The following ADCY5 variants were observed in gnomAD, a reference collection of about 807,000 sequenced individuals.
The protein encoded by ADCY5 is adenylate cyclase type 5.
A neutral mutation model predicts 119.7 loss-of-function variants in ADCY5; 30 were observed. The ratio of observed to expected loss-of-function variants is 0.25; its 90% CI spans 0.19 to 0.34. The LOEUF (loss-of-function observed/expected upper bound fraction) is 0.34. Among genes scored for constraint, ADCY5 ranks in the 10% least tolerant of loss-of-function variants. The probability of loss-of-function intolerance (pLI) is 1.00; values close to 1 mark genes in which losing one functional copy is unlikely to be tolerated. For missense variants in ADCY5, 1,324 were observed against 1,775.2 expected (o/e 0.75, Z 4.57); for synonymous variants, 753 against 762.2 (o/e 0.99, Z 0.20).
chr3:123,394,817 T>C (rs970285009), intron 1 of ADCY5, among the ~76,000 whole-genome samples: 19 of 152,216 alleles, frequency 1.2e-4, no homozygotes, highest in Admixed American at 6.5e-5. Context: ...ACTAATGCAA[T>C]GGTGACCTGA....
At chr3:123,330,406 G>A (rs1349936367) in intron 5 of ADCY5, among the ~76,000 whole-genome samples, 1 of 152,222 alleles carries the variant, frequency 6.6e-6, no homozygotes, top group Non-Finnish European at 1.5e-5. Flanking sequence ...TCACAGGCAG[G>A]GTGATTCTCT....
intron 12 of ADCY5, among the ~76,000 whole-genome samples, chr3:123,313,812 C>CA (rs1443656960): frequency 6.6e-6 from 1 of 152,224 alleles, no homozygotes; most frequent in Admixed American, 6.5e-5. Flanking sequence ...AGGTCCCCTC[C>CA]AGGGAAAATC....
At chr3:123,329,783 A>T (rs1415008398) in intron 5 of ADCY5, among the ~76,000 whole-genome samples, 1 of 152,126 alleles carries the variant, frequency 6.6e-6, no homozygotes, top group African/African-American at 2.4e-5. Flanking sequence ...GGGGAGACTG[A>T]GGTCACCCAT....
At chr3:123,337,541 T>C (rs1942081472) in intron 3 of ADCY5, among the ~76,000 whole-genome samples, 1 of 152,244 alleles carries the variant, frequency 6.6e-6, no homozygotes, top group South Asian at 2.1e-4. Flanking sequence ...TGTGTATTCC[T>C]AGCTTCTGGA....
intron 6 of ADCY5, among the ~76,000 whole-genome samples, chr3:123,328,127 C>T (rs1039373634): frequency 2.6e-5 from 4 of 152,224 alleles, no homozygotes; most frequent in Non-Finnish European, 4.4e-5. Flanking sequence ...GGCACTCATG[C>T]CTTCTGAACA....
rs894052953 is a variant in ADCY5, at chr3:123,359,776, A to C, written c.1135-7195T>G. Among the ~76,000 whole-genome samples the C allele has an allele frequency of 4.6e-5, 7 of 152,034 alleles. No homozygotes were observed. In the East Asian group the frequency reaches 1.4e-3, roughly 29 times the overall value. ...GGCCCCAGCCCTAAAGACAGGCACA[A>C]CTCCTTCCTGTTCTAGTCCTTTGTC... On this transcript the variant is annotated intron_variant, in intron 1 of 20. Transcript: ENST00000462833.
rs149394204 is a variant in ADCY5, at chr3:123,303,578, G to C, written c.2560-359C>G. Among the ~76,000 whole-genome samples the C allele has an allele frequency of 2.0e-3, 299 of 152,226 alleles. 1 individual carries two copies. The highest frequency in any genetic ancestry group is 5.9e-3 in the African/African-American group (244 of 41,540). ...TGTAATCCCAGTACTTTGAGAGGCC[G>C]AGGCCCGCGGATCACTTGAGCCCAG... On this transcript the variant is annotated intron_variant, in intron 13 of 20. Transcript: ENST00000462833.
chr3:123,402,097 G>T (rs1030767391), intron 1 of ADCY5, among the ~76,000 whole-genome samples: 1 of 152,218 alleles, frequency 6.6e-6, no homozygotes, highest in African/African-American at 2.4e-5. Flanking sequence ...CAAAAGGGAA[G>T]TGTGTTCTGA....
At chr3:123,421,081 C>A (rs1285211157) in intron 1 of ADCY5, among the ~76,000 whole-genome samples, 2 of 152,090 alleles carry the variant, frequency 1.3e-5, no homozygotes, top group East Asian at 1.9e-4. Context: ...TTGCAAAGAC[C>A]CTATTTTCAA....
chr3:123,328,612 G>C (rs1229577120), intron 6 of ADCY5, 32 bp downstream of exon 6: 1 of 1,609,522 alleles, frequency 6.2e-7, no homozygotes, highest in African/African-American at 1.3e-5. Context: ...AACCCAGGTC[G>C]GGGCCCCAAG....
At chr3:123,314,178 T>C in intron 12 of ADCY5, 57 bp downstream of exon 12, 1 of 1,463,040 alleles carries the variant, frequency 6.8e-7, no homozygotes, top group Non-Finnish European at 9.5e-7. Context: ...GTAGGGCCCC[T>C]AGGGCTGAGA....
Position 123,352,622 on chromosome 3 carries a change from C to A in ADCY5, c.1135-41G>T. On this transcript the variant is annotated intron_variant, in intron 1 of 20. Coordinates refer to ENST00000462833, the MANE Select transcript of ADCY5 (RefSeq NM_183357.3). The surrounding 1 kb of genome is among the most constrained non-coding windows in gnomAD (Gnocchi z 4.8). Reference sequence around the variant, plus strand: ...GGAGCACACCTAGCTCAGATCCTGACCTTCCTGGCCCCAAAGCATGAAGCC... The same window carrying A: ...GGAGCACACCTAGCTCAGATCCTGAACTTCCTGGCCCCAAAGCATGAAGCC... 1.3e-6 allele frequency: 2 copies of A among 1,565,978 alleles called. No individual in the cohort carries two copies. The highest frequency in any genetic ancestry group is 1.7e-5 in the Admixed American group (1 of 57,384).
chr3:123,328,128 C>T (rs2108387471), intron 6 of ADCY5, among the ~76,000 whole-genome samples: 1 of 152,352 alleles, frequency 6.6e-6, no homozygotes, highest in East Asian at 1.9e-4. Context: ...GCACTCATGC[C>T]TTCTGAACAC....
At chr3:123,374,490 G>C (rs889839759) in intron 1 of ADCY5, among the ~76,000 whole-genome samples, 1 of 152,156 alleles carries the variant, frequency 6.6e-6, no homozygotes, top group Non-Finnish European at 1.5e-5. Flanking sequence ...CTATGGGCTG[G>C]GTGTAATTAG....
intron 11 of ADCY5, 109 bp from the exon 12 acceptor site, chr3:123,314,431 C>G: frequency 1.2e-6 from 1 of 801,572 alleles, no homozygotes; most frequent in Non-Finnish European, 2.0e-6. Context: ...CCCATCCTCA[C>G]AGCTTCAGAG....
intron 17 of ADCY5, among the ~76,000 whole-genome samples, 195 bp downstream of exon 17, chr3:123,295,889 C>T (rs1939469188): frequency 6.6e-6 from 1 of 152,220 alleles, no homozygotes; most frequent in Admixed American, 6.5e-5. Context: ...CAGGGTTTTG[C>T]CTCTTGGCTC....
chr3:123,296,023 T>C (rs1939478216), intron 17 of ADCY5, 61 bp downstream of exon 17: 3 of 1,596,002 alleles, frequency 1.9e-6, no homozygotes, highest in Non-Finnish European at 2.6e-6. Context: ...GACGAGCCTG[T>C]TGTCTCCGCC....
At chr3:123,391,597 C>T (rs760599196) in intron 1 of ADCY5, among the ~76,000 whole-genome samples, 1 of 152,160 alleles carries the variant, frequency 6.6e-6, no homozygotes, top group Non-Finnish European at 1.5e-5. Flanking sequence ...CCACCATCAC[C>T]CCTTCCCAAG....
chr3:123,291,377 C>T lies in ADCY5; in HGVS notation c.3064-1G>A. ...CCATCTCCTCTTTCTCCTCTGTGGCCTGAGAGAAAAAGACTGCAAGTCACC... is the reference window on the plus strand; with the variant it reads ...CCATCTCCTCTTTCTCCTCTGTGGCTTGAGAGAAAAAGACTGCAAGTCACC... On this transcript the variant is annotated splice_acceptor_variant, in intron 17 of 20. Coordinates refer to ENST00000462833, the MANE Select transcript of ADCY5 (RefSeq NM_183357.3). LOFTEE classifies it high-confidence loss of function. 1 of 1,606,152 alleles carries T rather than the reference C, an allele frequency of 6.2e-7. No homozygotes were observed. The highest frequency in any genetic ancestry group is 8.5e-7 in the Non-Finnish European group (1 of 1,174,132).
Sources: allele counts gnomAD v4.1 joint callset (sites outside exome capture counted in the v4.1 genomes callset), GRCh38; gene constraint gnomAD v4.1.1; non-coding constraint Gnocchi (gnomAD v3.1); transcripts MANE v1.5; gene names NCBI Gene and HGNC (gene_info 2026-07-23, HGNC 2026-07-21).